The following CCDC126 variants were observed in gnomAD, a reference collection of about 807,000 sequenced individuals.
The protein encoded by CCDC126 is coiled-coil domain containing 126, also known as coiled-coil domain-containing protein 126.
In CCDC126, 5 loss-of-function variants were observed where a neutral mutation model predicts 11.7. The observed-to-expected ratio is 0.43, with a 90% CI of 0.22 to 0.90. CCDC126 has a LOEUF of 0.90. Ranked by LOEUF, CCDC126 falls within the 40% of genes least tolerant of loss-of-function variation. The pLI is 0.27. For synonymous variants in CCDC126, 60 were observed against 61.9 expected, an observed-to-expected ratio of 0.97 and a Z score of 0.14; for missense variants, 150 against 163.1, an observed-to-expected ratio of 0.92 and a Z score of 0.44.
rs554679048 is a variant in CCDC126, at chr7:23,628,446, G to A, written c.239-14485G>A. 4.8e-4 allele frequency among the ~76,000 whole-genome samples: 73 copies of A among 152,340 alleles called. 1 individual carries two copies. Among genetic ancestry groups the A allele is most frequent in the Non-Finnish European group, 1.0e-3 (70 of 68,032 alleles). On this transcript the variant is annotated intron_variant, in intron 3 of 3. Coordinates refer to ENST00000307471, the MANE Select transcript of CCDC126 (RefSeq NM_138771.4). ...TAGCCAAGAAAAGGCAGCCTAGCAA[G>A]CTAGAAAACTTGTAGTCAATAACAG...
chr7:23,597,809 C>G (rs1226733051), intron 1 of CCDC126, 158 bp from the exon 2 acceptor site: 4 of 152,210 alleles, frequency 2.6e-5, no homozygotes, highest in African/African-American at 7.2e-5. Flanking sequence ...TGGGCCGCGT[C>G]TCTGCCCCTC....
chr7:23,628,558 T>C (rs1025270890), intron 3 of CCDC126, among the ~76,000 whole-genome samples: 1 of 152,218 alleles, frequency 6.6e-6, no homozygotes, highest in Non-Finnish European at 1.5e-5. Context: ...CCTAGACTTT[T>C]ATCCTTTCAA....
chr7:23,617,155 C>CT (rs766677657), intron 3 of CCDC126, among the ~76,000 whole-genome samples: 2 of 151,642 alleles, frequency 1.3e-5, no homozygotes, highest in Non-Finnish European at 1.5e-5. Flanking sequence ...CGAGACCAGC[C>CT]TGGCCGACAT....
At position 23,643,841 on chromosome 7, in the gene CCDC126, T is replaced by G. The variant is rs1197420743; in HGVS notation, c.*726T>G. ...GTTGTAAACTCTAATCTTATACTTA[T>G]TGAAGAATAAAAGATATTTTTATGA... is the stretch of plus-strand genomic sequence containing the variant. On this transcript the variant is annotated 3_prime_UTR_variant, in exon 4 of 4. Coordinates refer to ENST00000307471, the MANE Select transcript of CCDC126 (RefSeq NM_138771.4). The G allele has an allele frequency of 2.0e-5, 3 of 152,156 alleles. No homozygotes were observed. Among genetic ancestry groups the G allele is most frequent in the Non-Finnish European group, 2.9e-5 (2 of 67,992 alleles). 9.4% of individuals were successfully genotyped at this position (152,156 alleles called of 1,614,324 possible). A position where few individuals can be genotyped will look rare whatever the true frequency, so the allele number is the denominator to read the frequency against.
chr7:23,610,194 G>A (rs1442477504), intron 2 of CCDC126, among the ~76,000 whole-genome samples: 2 of 152,078 alleles, frequency 1.3e-5, no homozygotes, highest in South Asian at 4.1e-4. Context: ...ATAGAAAAAT[G>A]TTCCAACCTG....
At chr7:23,629,292 C>T (rs1367749588) in intron 3 of CCDC126, among the ~76,000 whole-genome samples, 1 of 152,178 alleles carries the variant, frequency 6.6e-6, no homozygotes, top group Non-Finnish European at 1.5e-5. Flanking sequence ...CTTCAGAGAG[C>T]TACCTTGTCT....
chr7:23,613,036 C>T (rs1440684848), intron 3 of CCDC126, among the ~76,000 whole-genome samples: 1 of 152,122 alleles, frequency 6.6e-6, no homozygotes, highest in African/African-American at 2.4e-5. Flanking sequence ...TATGGCTGGG[C>T]ACAGTGGCTC....
Position 23,643,162 on chromosome 7 carries a change from C to A in CCDC126, c.*47C>A. The A allele has an allele frequency of 6.5e-7, 1 of 1,527,446 alleles. No individual in the cohort carries two copies. 94.6% of individuals were successfully genotyped at this position (1,527,446 alleles called of 1,614,324 possible). A position where few individuals can be genotyped will look rare whatever the true frequency, so the allele number is the denominator to read the frequency against. Reference sequence around the variant, plus strand: ...TGCTCCATCCACTGTGGATTATATCCTATGGCAGAAAAGCTTTATAATTGC... The same window carrying A: ...TGCTCCATCCACTGTGGATTATATCATATGGCAGAAAAGCTTTATAATTGC... On this transcript the variant is annotated 3_prime_UTR_variant, in exon 4 of 4. Coordinates refer to ENST00000307471, the MANE Select transcript of CCDC126 (RefSeq NM_138771.4).
At chr7:23,622,938 G>A (rs1415772567) in intron 3 of CCDC126, 3 of 229,008 alleles carry the variant, frequency 1.3e-5, no homozygotes, top group Non-Finnish European at 2.6e-5. Context: ...TTGCTCTGCT[G>A]TGAGCTGAGG....
chr7:23,640,560 T>C (rs1783336552), intron 3 of CCDC126, among the ~76,000 whole-genome samples: 1 of 152,188 alleles, frequency 6.6e-6, no homozygotes. Context: ...CACAGTGTTG[T>C]GCAGCCATCA....
chr7:23,605,619 CCATGTGGTAG>C (rs1216651040), intron 2 of CCDC126, among the ~76,000 whole-genome samples: 1 of 152,164 alleles, frequency 6.6e-6, no homozygotes, highest in Non-Finnish European at 1.5e-5. Context: ...TTCTCTTCTT[CCATGTGGTAG>C]CATGTATCAG....
At chr7:23,631,117 A>C (rs1347184790) in intron 3 of CCDC126, among the ~76,000 whole-genome samples, 1 of 152,054 alleles carries the variant, frequency 6.6e-6, no homozygotes, top group Non-Finnish European at 1.5e-5. Flanking sequence ...AAGCAAACTA[A>C]ATCCAAAGCA....
intron 3 of CCDC126, among the ~76,000 whole-genome samples, chr7:23,625,262 G>C (rs1458928782): frequency 2.0e-5 from 3 of 152,166 alleles, no homozygotes; most frequent in Non-Finnish European, 4.4e-5. Flanking sequence ...TGAAATATAT[G>C]TGTGTGTATA....
At chr7:23,613,181 C>T (rs1008737901) in intron 3 of CCDC126, among the ~76,000 whole-genome samples, 14 of 151,970 alleles carry the variant, frequency 9.2e-5, no homozygotes, top group South Asian at 2.1e-4. Flanking sequence ...CGTGGTGGCG[C>T]GCACTTGTAG....
intron 3 of CCDC126, among the ~76,000 whole-genome samples, chr7:23,627,360 G>T (rs1178616090): frequency 6.6e-6 from 1 of 151,210 alleles, no homozygotes; most frequent in Non-Finnish European, 1.5e-5. Flanking sequence ...AAAAAAAAAA[G>T]GCCAGTTGCG....
chr7:23,624,211 A>G (rs1285213900), intron 3 of CCDC126, among the ~76,000 whole-genome samples: 4 of 152,172 alleles, frequency 2.6e-5, no homozygotes, highest in South Asian at 2.1e-4. Context: ...AAAGAGAAAA[A>G]CAGTTTACTG....
chr7:23,615,237 G>A (rs1156296647), intron 3 of CCDC126, among the ~76,000 whole-genome samples: 1 of 152,176 alleles, frequency 6.6e-6, no homozygotes, highest in Non-Finnish European at 1.5e-5. Context: ...GAATCTTATG[G>A]AAATGGCTTT....
At chr7:23,642,640 GTAATCCCAGC>G (rs1477602075) in intron 3 of CCDC126, among the ~76,000 whole-genome samples, 1 of 151,772 alleles carries the variant, frequency 6.6e-6, no homozygotes, top group African/African-American at 2.4e-5. Flanking sequence ...GTGGGCGCCT[GTAATCCCAGC>G]TAATCAGGAG....
intron 3 of CCDC126, among the ~76,000 whole-genome samples, chr7:23,624,768 C>T (rs1171587646): frequency 6.6e-6 from 1 of 152,222 alleles, no homozygotes; most frequent in East Asian, 1.9e-4. Context: ...TATTTATTTT[C>T]ACTAAGTTAC....
Sources: gnomAD v4.1 joint callset for allele counts (sites outside exome capture counted in the v4.1 genomes callset) on GRCh38, gnomAD v4.1.1 for gene constraint, MANE v1.5 for transcripts, NCBI Gene and HGNC (gene_info 2026-07-23, HGNC 2026-07-21) for gene names.